NTN4: variants seen among roughly 807,000 people sequenced by gnomAD.
NTN4 encodes the protein netrin-4.
In NTN4, 32 loss-of-function variants were observed where a neutral mutation model predicts 73.6. The observed-to-expected ratio is 0.44, with a 90% CI of 0.33 to 0.58. The LOEUF is 0.58. NTN4 is among the 20% of genes least tolerant of loss of function. NTN4 has a pLI of 0.04. For synonymous variants in NTN4, 258 were observed against 287.5 expected, an observed-to-expected ratio of 0.90 and a Z score of 1.04; for missense variants, 654 against 798.3, an observed-to-expected ratio of 0.82 and a Z score of 2.18.
rs199876569 is a variant in NTN4, at chr12:95,665,790, T to C, written c.1750+20A>G. On this transcript the variant is annotated intron_variant, in intron 9 of 9. Transcript: ENST00000343702. ...AGCAGAGACAAGGTAGGTACTAAGA[T>C]AGGAAAGTCTAATACTCACCAGGAT... 2.1e-4 allele frequency: 340 copies of C among 1,594,868 alleles called. 1 individual carries two copies. The African/African-American group carries it at 3.8e-3, about 18-fold the overall frequency.
intron 2 of NTN4, among the ~76,000 whole-genome samples, chr12:95,783,830 A>G (rs1289436906): frequency 1.3e-5 from 2 of 152,232 alleles, no homozygotes; most frequent in Non-Finnish European, 2.9e-5. Flanking sequence ...GTCTATTTAA[A>G]AAGTGTTCTT....
intron 7 of NTN4, among the ~76,000 whole-genome samples, chr12:95,679,050 GA>G (rs1281315701): frequency 6.6e-6 from 1 of 152,246 alleles, no homozygotes; most frequent in East Asian, 1.9e-4. Flanking sequence ...TTAATATATA[GA>G]AAGGTATCTT....
chr12:95,713,141 G>A, intron 4 of NTN4, 71 bp downstream of exon 4: 1 of 1,540,012 alleles, frequency 6.5e-7, no homozygotes, highest in Admixed American at 1.7e-5. Flanking sequence ...TATTTCTAGA[G>A]ACAACAAGGA....
At chr12:95,665,718 AGTTT>A (rs1565876248) in intron 9 of NTN4, 88 bp downstream of exon 9, 2 of 947,180 alleles carry the variant, frequency 2.1e-6, no homozygotes, top group Non-Finnish European at 3.1e-6. Flanking sequence ...GTTCTTGCTG[AGTTT>A]GTTTATGTTG....
intron 2 of NTN4, among the ~76,000 whole-genome samples, chr12:95,744,018 C>T (rs2078844225): frequency 6.6e-6 from 1 of 152,176 alleles, no homozygotes; most frequent in Admixed American, 6.5e-5. Flanking sequence ...TCTCATGCCT[C>T]AGCCTCCCAG....
At chr12:95,772,264 T>C (rs1208925411) in intron 2 of NTN4, among the ~76,000 whole-genome samples, 1 of 152,126 alleles carries the variant, frequency 6.6e-6, no homozygotes, top group Non-Finnish European at 1.5e-5. Context: ...GGTCTTGAAC[T>C]CCTGGGCTCA....
chr12:95,715,895 T>G (rs1350101600), intron 3 of NTN4, among the ~76,000 whole-genome samples: 1 of 152,112 alleles, frequency 6.6e-6, no homozygotes, highest in Non-Finnish European at 1.5e-5. Flanking sequence ...TGATTCTTTG[T>G]TTTACTTGTA....
chr12:95,746,780 C>T (rs911674725), intron 2 of NTN4, among the ~76,000 whole-genome samples: 3 of 152,214 alleles, frequency 2.0e-5, no homozygotes, highest in Non-Finnish European at 4.4e-5. Context: ...CTTCCCTGCA[C>T]TGCAGACTGG....
intron 8 of NTN4, among the ~76,000 whole-genome samples, chr12:95,666,438 C>A (rs1021988522): frequency 6.6e-6 from 1 of 152,056 alleles, no homozygotes; most frequent in African/African-American, 2.4e-5. Context: ...AATAAAAATA[C>A]TGAATTAAAA....
chr12:95,674,414 A>G (rs1480846002), intron 7 of NTN4, among the ~76,000 whole-genome samples: 1 of 152,210 alleles, frequency 6.6e-6, no homozygotes, highest in Non-Finnish European at 1.5e-5. Flanking sequence ...TAGAGCTCAA[A>G]CAATATTTGT....
chr12:95,698,798 A>G (rs2078460580), intron 5 of NTN4, among the ~76,000 whole-genome samples: 1 of 152,170 alleles, frequency 6.6e-6, no homozygotes, highest in African/African-American at 2.4e-5. Context: ...TTGAGGCTGC[A>G]ATGAGCCATG....
intron 5 of NTN4, among the ~76,000 whole-genome samples, chr12:95,701,287 C>T (rs534000549): frequency 1.3e-5 from 2 of 152,238 alleles, no homozygotes; most frequent in African/African-American, 2.4e-5. Flanking sequence ...AATTACATTC[C>T]CCTTTTTCCT....
intron 7 of NTN4, among the ~76,000 whole-genome samples, chr12:95,675,871 G>C (rs12320062): frequency 0.16 from 24,044 of 151,928 alleles, 2,022 homozygotes; most frequent in Middle Eastern, 0.26. Context: ...ATGAAAGGAG[G>C]CTGGGAAAAA....
chr12:95,696,467 G>A (rs2078443007), intron 5 of NTN4, among the ~76,000 whole-genome samples: 1 of 152,010 alleles, frequency 6.6e-6, no homozygotes, highest in African/African-American at 2.4e-5. Flanking sequence ...TCACCTCACT[G>A]CCGTCACTAT....
chr12:95,707,315 A>G (rs1172127223), intron 5 of NTN4, among the ~76,000 whole-genome samples: 1 of 151,898 alleles, frequency 6.6e-6, no homozygotes, highest in East Asian at 1.9e-4. Context: ...GCTAACCCCC[A>G]TGTTATTTCC....
At chr12:95,777,791 G>T (rs1339296453) in intron 2 of NTN4, among the ~76,000 whole-genome samples, 1 of 152,116 alleles carries the variant, frequency 6.6e-6, no homozygotes, top group African/African-American at 2.4e-5. Context: ...TCCAGGAATT[G>T]AACTCAGCTC....
intron 7 of NTN4, among the ~76,000 whole-genome samples, chr12:95,679,753 C>T (rs2078301658): frequency 6.6e-6 from 1 of 152,164 alleles, no homozygotes; most frequent in South Asian, 2.1e-4. Flanking sequence ...AAATGCCACA[C>T]CTTTGCTTGA....
At chr12:95,744,849 T>C (rs953107718) in intron 2 of NTN4, among the ~76,000 whole-genome samples, 4 of 151,186 alleles carry the variant, frequency 2.6e-5, no homozygotes, top group African/African-American at 9.7e-5. Context: ...TTTTTTTTTT[T>C]TTGGCTTCTT....
chr12:95,681,654 TAG>T, intron 7 of NTN4, among the ~76,000 whole-genome samples: 1 of 152,268 alleles, frequency 6.6e-6, no homozygotes, highest in African/African-American at 2.4e-5. Flanking sequence ...AAGAAGAGAA[TAG>T]AGGCAAGATG....
Sources: gnomAD v4.1 joint callset for allele counts (sites outside exome capture counted in the v4.1 genomes callset) on GRCh38, gnomAD v4.1.1 for gene constraint, MANE v1.5 for transcripts, NCBI Gene and HGNC (gene_info 2026-07-23, HGNC 2026-07-21) for gene names.